The following JMJD1C variants were observed in gnomAD, a reference collection of about 807,000 sequenced individuals.
JMJD1C encodes jumonji domain-containing protein 1C.
In JMJD1C, 31 loss-of-function variants were observed where a neutral mutation model predicts 245.3. The observed-to-expected ratio is 0.13, with a 90% CI of 0.09 to 0.17. The LOEUF is 0.17. Ranked by LOEUF, JMJD1C falls within the 10% of genes least tolerant of loss-of-function variation. JMJD1C has a pLI of 1.00. For missense variants in JMJD1C, 2,691 were observed against 3,000.2 expected, an observed-to-expected ratio of 0.90 and a Z score of 2.41; for synonymous variants, 1,057 against 1,017.4, an observed-to-expected ratio of 1.04 and a Z score of -0.74.
intron 1 of JMJD1C, 107 bp from the exon 2 acceptor site, chr10:63,380,589 G>A (rs997565231): frequency 2.1e-5 from 16 of 761,244 alleles, no homozygotes; most frequent in East Asian, 1.6e-4. Flanking sequence ...ATATGATATC[G>A]TGATACATGC....
chr10:63,403,540 T>A (rs1291824496), intron 1 of JMJD1C, among the ~76,000 whole-genome samples: 1 of 152,200 alleles, frequency 6.6e-6, no homozygotes, highest in African/African-American at 2.4e-5. Flanking sequence ...AGGGCTGTTT[T>A]AAGGATTAAG....
intron 1 of JMJD1C, among the ~76,000 whole-genome samples, chr10:63,456,473 A>G (rs1020580607): frequency 4.6e-5 from 7 of 152,162 alleles, no homozygotes; most frequent in Non-Finnish European, 8.8e-5. Context: ...TAAATAACAC[A>G]TAATTTTAAC....
chr10:63,182,478 G>A (rs1843607486), intron 22 of JMJD1C, among the ~76,000 whole-genome samples: 1 of 152,166 alleles, frequency 6.6e-6, no homozygotes, highest in African/African-American at 2.4e-5. Context: ...AAAGGAAAGT[G>A]ACAAAGATGG....
At chr10:63,416,068 G>A (rs1217949743) in intron 1 of JMJD1C, among the ~76,000 whole-genome samples, 1 of 152,152 alleles carries the variant, frequency 6.6e-6, no homozygotes, top group Non-Finnish European at 1.5e-5. Context: ...TTAGCGAGAA[G>A]TTCCAGATAG....
In JMJD1C at chr10:63,217,221, C is replaced by T. The variant is rs758354686; in HGVS notation, c.664G>A (p.Val222Ile). The T allele has an allele frequency of 6.2e-6, 10 of 1,608,652 alleles. No individual in the cohort carries two copies. The highest frequency in any genetic ancestry group is 2.2e-5 in the South Asian group (2 of 89,858). Residue 222 changes from valine to isoleucine, a missense_variant, in exon 5 of 26, where the codon GTT becomes ATT. By Grantham distance (29) the Val-to-Ile change is conservative. This residue lies in a region of JMJD1C where 172 missense variants were observed against 240.8 expected (regional missense o/e 0.71). Transcript: ENST00000399262. ...GAACTATTTACCTGATCATTCATAA[C>T]GATCATGGTGCGGGTGAAGAGATCA... ...HHDLFTRTMIVMNDQVLEPQN... is the reference protein window; with the variant it reads ...HHDLFTRTMIIMNDQVLEPQN...
intron 2 of JMJD1C, among the ~76,000 whole-genome samples, chr10:63,288,029 G>A (rs911018966): frequency 2.6e-5 from 4 of 152,156 alleles, no homozygotes; most frequent in African/African-American, 9.7e-5. Context: ...ACAGGTGTGA[G>A]CCACTGCGCC....
intron 4 of JMJD1C, 82 bp downstream of exon 4, chr10:63,219,796 G>C: frequency 1.1e-6 from 1 of 876,160 alleles, no homozygotes; most frequent in Non-Finnish European, 1.9e-6. Flanking sequence ...TATTTATATT[G>C]CACACAATTG....
rs1183469405 is a variant in JMJD1C, at chr10:63,465,870, CGCAGCCTTGTGCT to C, written c.-221_-209del. ...AAACACTCCTTTGGACTCCCAGATTCGCAGCCTTGTGCTGCAGCGCCACACAAGAAAACTGAAA... is the reference window on the plus strand; with the variant it reads ...AAACACTCCTTTGGACTCCCAGATTCGCAGCGCCACACAAGAAAACTGAAA... On this transcript the variant is annotated 5_prime_UTR_variant, in exon 1 of 26. Coordinates refer to ENST00000399262, the MANE Select transcript of JMJD1C (RefSeq NM_032776.3). 2 of 688,162 alleles carry C rather than the reference CGCAGCCTTGTGCT, an allele frequency of 2.9e-6. No individual in the cohort carries two copies. The highest frequency in any genetic ancestry group is 1.8e-5 in the African/African-American group (1 of 56,894). The allele number at this position is 688,162 out of a possible 1,614,324, so 42.6% of individuals were successfully genotyped here. A position where few individuals can be genotyped will look rare whatever the true frequency, so the allele number is the denominator to read the frequency against.
chr10:63,295,885 A>ATG (rs1859313348), intron 2 of JMJD1C, among the ~76,000 whole-genome samples: 1 of 149,708 alleles, frequency 6.7e-6, no homozygotes, highest in South Asian at 2.1e-4. Flanking sequence ...CACTATATAT[A>ATG]TGTATATATA....
chr10:63,424,113 G>C (rs546845528), intron 1 of JMJD1C, among the ~76,000 whole-genome samples: 4 of 152,198 alleles, frequency 2.6e-5, no homozygotes, highest in African/African-American at 9.6e-5. Flanking sequence ...CTTACTGTCA[G>C]CATTATCGTG....
At chr10:63,257,052 C>A (rs1854041603) in intron 3 of JMJD1C, among the ~76,000 whole-genome samples, 1 of 151,764 alleles carries the variant, frequency 6.6e-6, no homozygotes, top group African/African-American at 2.4e-5. Context: ...CTGGCCAACA[C>A]TGGTGAAACC....
chr10:63,206,564 T>A (rs765623950), intron 10 of JMJD1C, 31 bp downstream of exon 10: 4 of 1,524,134 alleles, frequency 2.6e-6, no homozygotes, highest in Non-Finnish European at 3.5e-6. Flanking sequence ...CAGCCCATTT[T>A]ACCTGAGATA....
chr10:63,175,592 C>G lies in JMJD1C; in HGVS notation c.7401+705G>C, dbSNP rs1477256145. On this transcript the variant is annotated intron_variant, in intron 24 of 25. Transcript: ENST00000399262. ...GTTTCCTTGGTAAACTAATATACAT[C>G]AGCTACATCTCAATTACTTAGCAGT... is the stretch of plus-strand genomic sequence containing the variant. Among the ~76,000 whole-genome samples, 3 of 152,172 alleles carry G rather than the reference C, an allele frequency of 2.0e-5. No homozygotes were observed. The East Asian group carries it at 5.8e-4, about 29-fold the overall frequency.
At chr10:63,277,868 C>T (rs1358819611) in intron 2 of JMJD1C, among the ~76,000 whole-genome samples, 1 of 149,740 alleles carries the variant, frequency 6.7e-6, no homozygotes, top group East Asian at 2.0e-4. Flanking sequence ...TCCCGAGTAG[C>T]TGGGATTACA....
chr10:63,187,726 C>CCA (rs1302922026), intron 18 of JMJD1C, among the ~76,000 whole-genome samples: 1 of 152,204 alleles, frequency 6.6e-6, no homozygotes, highest in Non-Finnish European at 1.5e-5. Flanking sequence ...TAGGCAAGAG[C>CCA]CACAGCACCA....
chr10:63,410,956 A>G (rs1199536648), intron 1 of JMJD1C, among the ~76,000 whole-genome samples: 1 of 152,204 alleles, frequency 6.6e-6, no homozygotes, highest in South Asian at 2.1e-4. Context: ...TCTTGTTACT[A>G]ATCAGTCTAT....
intron 1 of JMJD1C, among the ~76,000 whole-genome samples, chr10:63,457,584 AG>A (rs1395755566): frequency 6.6e-6 from 1 of 152,244 alleles, no homozygotes; most frequent in African/African-American, 2.4e-5. Flanking sequence ...AGAAGATGAA[AG>A]GAACTGCAGA....
intron 2 of JMJD1C, among the ~76,000 whole-genome samples, chr10:63,275,382 A>G (rs1856683718): frequency 6.6e-6 from 1 of 152,276 alleles, no homozygotes; most frequent in African/African-American, 2.4e-5. Context: ...GTCACAAAGT[A>G]CAAAGGAAAA....
chr10:63,476,715 C>G (rs558942955), intron 1 of JMJD1C, among the ~76,000 whole-genome samples: 1 of 152,172 alleles, frequency 6.6e-6, no homozygotes, highest in South Asian at 2.1e-4. Context: ...GATGACAGAG[C>G]AAAACCTTGT....
Sources: gnomAD v4.1 joint callset for allele counts (sites outside exome capture counted in the v4.1 genomes callset) on GRCh38, gnomAD v4.1.1 for gene constraint, gnomAD v4.1.1 regional missense constraint, MANE v1.5 for transcripts, NCBI Gene and HGNC (gene_info 2026-07-23, HGNC 2026-07-21) for gene names.